The following PIK3C2G variants were observed in gnomAD, a reference collection of about 807,000 sequenced individuals.
The protein encoded by PIK3C2G is phosphatidylinositol 3-kinase C2 domain-containing subunit gamma.
Under a neutral mutation model 181.1 loss-of-function variants are expected in PIK3C2G, and 168 were observed. That is an observed-to-expected ratio of 0.93 (90% CI 0.82 to 1.05). PIK3C2G has a LOEUF of 1.05. PIK3C2G is among the 50% of genes least tolerant of loss of function. The probability of loss-of-function intolerance (pLI) is 0.00; values close to 1 mark genes in which losing one functional copy is unlikely to be tolerated. For missense variants in PIK3C2G, 1,869 were observed against 1,732.8 expected, an observed-to-expected ratio of 1.08 and a Z score of -1.40; for synonymous variants, 573 against 592.2, an observed-to-expected ratio of 0.97 and a Z score of 0.47.
intron 18 of PIK3C2G, among the ~76,000 whole-genome samples, chr12:18,480,707 T>C (rs1939472974): frequency 6.6e-6 from 1 of 152,122 alleles, no homozygotes; most frequent in Non-Finnish European, 1.5e-5. Flanking sequence ...AAAGTGACCA[T>C]ACCATTTCTA....
chr12:18,292,227 A>AAAAAAAAAAAAT lies in PIK3C2G; in HGVS notation c.919+1216_919+1217insAAAAAAAAAATA. Among the ~76,000 whole-genome samples, 134 of 48,696 alleles carry AAAAAAAAAAAAT rather than the reference A, an allele frequency of 2.8e-3. 3 individuals are homozygous for AAAAAAAAAAAAT. Among genetic ancestry groups the AAAAAAAAAAAAT allele is most frequent in the Non-Finnish European group, 3.4e-3 (102 of 29,908 alleles). The allele number at this position is 48,696 out of a possible 152,430, so 31.9% of individuals were successfully genotyped here. On this transcript the variant is annotated intron_variant, in intron 4 of 32. Coordinates refer to ENST00000538779, the MANE Select transcript of PIK3C2G (RefSeq NM_001288772.2). ...CTCCATCTCAAAAAAAAAAAAAAAA[A>AAAAAAAAAAAAT]ATATATATATATATATATATATATA...
intron 24 of PIK3C2G, among the ~76,000 whole-genome samples, chr12:18,537,198 G>A (rs1943906921): frequency 6.6e-6 from 1 of 151,940 alleles, no homozygotes; most frequent in African/African-American, 2.4e-5. Flanking sequence ...AAATAGCTAA[G>A]CATAAGCAAC....
intron 18 of PIK3C2G, among the ~76,000 whole-genome samples, chr12:18,469,577 C>T (rs1177705295): frequency 6.6e-6 from 1 of 151,970 alleles, no homozygotes; most frequent in African/African-American, 2.4e-5. Flanking sequence ...TTTTGTCCTA[C>T]GGATGCTTAT....
At chr12:18,602,094 A>G (rs1947752973) in intron 30 of PIK3C2G, among the ~76,000 whole-genome samples, 1 of 152,132 alleles carries the variant, frequency 6.6e-6, no homozygotes, top group Non-Finnish European at 1.5e-5. Flanking sequence ...GTAGGGGAAG[A>G]ACTAAAGCCC....
intron 29 of PIK3C2G, among the ~76,000 whole-genome samples, chr12:18,577,717 A>G (rs1047049353): frequency 2.6e-5 from 4 of 152,282 alleles, no homozygotes; most frequent in Admixed American, 2.6e-4. Flanking sequence ...GCTTCTCCCA[A>G]GGTATCATCC....
chr12:18,253,722 T>C (rs1255464275), intron 1 of PIK3C2G, among the ~76,000 whole-genome samples: 1 of 152,202 alleles, frequency 6.6e-6, no homozygotes, highest in Non-Finnish European at 1.5e-5. Context: ...GTTTCCCAAA[T>C]GTCCACAAAG....
chr12:18,613,151 T>C (rs1201710820), intron 31 of PIK3C2G, among the ~76,000 whole-genome samples: 1 of 152,152 alleles, frequency 6.6e-6, no homozygotes, highest in East Asian at 1.9e-4. Context: ...ACAATGTCTC[T>C]CCATGCATTT....
chr12:18,562,794 T>C lies in PIK3C2G; in HGVS notation c.3682T>C (p.Ser1228Pro). The change falls in exon 27 of 33, where the codon TCT (serine) becomes CCT (proline). Residue 1228 changes from serine (S) to proline (P), a missense_variant. Coordinates refer to ENST00000538779, the MANE Select transcript of PIK3C2G (RefSeq NM_001288772.2). ...AQMSAISPAK[S>P]TSQTFPQESC... ...AATGTCAGCCATAAGCCCTGCCAAA[T>C]CTACTTCACAGACTTTTCCTCAGGA... 6.2e-7 allele frequency: 1 copy of C among 1,608,466 alleles called. No individual in the cohort carries two copies. The highest frequency in any genetic ancestry group is 1.3e-5 in the African/African-American group (1 of 74,988).
At chr12:18,583,919 A>G (rs1946635971) in intron 29 of PIK3C2G, among the ~76,000 whole-genome samples, 1 of 152,194 alleles carries the variant, frequency 6.6e-6, no homozygotes, top group Admixed American at 6.5e-5. Context: ...AGGAACAAAG[A>G]TCATTGATGC....
At chr12:18,559,288 A>G (rs1945170011) in intron 26 of PIK3C2G, among the ~76,000 whole-genome samples, 1 of 152,208 alleles carries the variant, frequency 6.6e-6, no homozygotes, top group Non-Finnish European at 1.5e-5. Flanking sequence ...AGCTTGGACA[A>G]CATTTATGAC....
chr12:18,610,074 C>G (rs1429770576), intron 31 of PIK3C2G, among the ~76,000 whole-genome samples: 3 of 152,032 alleles, frequency 2.0e-5, no homozygotes, highest in African/African-American at 7.2e-5. Flanking sequence ...ACTAAAAGTT[C>G]CACTCTCTAT....
intron 18 of PIK3C2G, among the ~76,000 whole-genome samples, chr12:18,437,776 A>T (rs1486983084): frequency 6.6e-6 from 1 of 151,970 alleles, no homozygotes; most frequent in Non-Finnish European, 1.5e-5. Context: ...GATGCTGAAA[A>T]TTACACAAGA....
At chr12:18,617,029 C>T (rs1948636637) in intron 31 of PIK3C2G, among the ~76,000 whole-genome samples, 1 of 152,048 alleles carries the variant, frequency 6.6e-6, no homozygotes, top group African/African-American at 2.4e-5. Context: ...GCAGATAAGG[C>T]CTTCATTTTG....
intron 13 of PIK3C2G, among the ~76,000 whole-genome samples, chr12:18,377,067 A>C (rs2137925349): frequency 6.6e-6 from 1 of 152,358 alleles, no homozygotes; most frequent in Non-Finnish European, 1.5e-5. Context: ...CTTGCACATG[A>C]AACCTGTTAG....
At chr12:18,497,116 A>G (rs1255464027) in intron 21 of PIK3C2G, among the ~76,000 whole-genome samples, 1 of 152,198 alleles carries the variant, frequency 6.6e-6, no homozygotes, top group Non-Finnish European at 1.5e-5. Flanking sequence ...CTATCTTCAA[A>G]ATAATTTGAG....
intron 26 of PIK3C2G, among the ~76,000 whole-genome samples, chr12:18,557,514 A>C (rs546914366): frequency 6.6e-6 from 1 of 152,292 alleles, no homozygotes; most frequent in South Asian, 2.1e-4. Flanking sequence ...CGTATAGCTA[A>C]AAACCTACAG....
Position 18,293,935 on chromosome 12 carries a change from T to C in PIK3C2G, c.954T>C (p.Ile318=). Residue 318 remains isoleucine, a synonymous_variant, in exon 5 of 33, where the codon ATT becomes ATC. Transcript: ENST00000538779. ...TTGTCAAAGATCTAATTGCAGAAAT[T>C]CTGCATTTTTGCACAAATGACCAGC... ...NYLVKDLIAE[I]LHFCTNDQLL... 2.5e-6 allele frequency: 4 copies of C among 1,585,866 alleles called. No homozygotes were observed. The South Asian group carries it at 4.4e-5, about 18-fold the overall frequency.
At chr12:18,696,847 G>C in the PIK3C2G span, among the ~76,000 whole-genome samples, 73,097 of 151,844 alleles carry the variant, frequency 0.48, 18,696 homozygotes, top group African/African-American at 0.65. Context: ...GTGTTTACAT[G>C]TCTCCATTGA....
intron 31 of PIK3C2G, among the ~76,000 whole-genome samples, chr12:18,616,175 A>G (rs1036419734): frequency 6.6e-6 from 1 of 152,062 alleles, no homozygotes; most frequent in Non-Finnish European, 1.5e-5. Flanking sequence ...TATATACACC[A>G]TCTATTTGAT....
Sources: gnomAD v4.1 joint callset for allele counts (sites outside exome capture counted in the v4.1 genomes callset) on GRCh38, gnomAD v4.1.1 for gene constraint, MANE v1.5 for transcripts, NCBI Gene and HGNC (gene_info 2026-07-23, HGNC 2026-07-21) for gene names.